LUZP1: variants seen among roughly 807,000 people sequenced by gnomAD.
LUZP1 encodes filamin mechanobinding actin cross-linking protein.
Under a neutral mutation model 71.3 loss-of-function variants are expected in LUZP1, and 25 were observed. That is an observed-to-expected ratio of 0.35 (90% CI 0.26 to 0.49). The LOEUF (loss-of-function observed/expected upper bound fraction) is 0.49, where lower values mean the gene tolerates loss of function less well. Among genes scored for constraint, LUZP1 ranks in the 20% least tolerant of loss-of-function variants. The probability of loss-of-function intolerance (pLI) is 0.99; values close to 1 mark genes in which losing one functional copy is unlikely to be tolerated. For synonymous variants in LUZP1, 481 were observed against 506.4 expected, an observed-to-expected ratio of 0.95 and a Z score of 0.67; for missense variants, 1,142 against 1,300.8, an observed-to-expected ratio of 0.88 and a Z score of 1.88.
chr1:23,092,569 C>T, exon 4 of LUZP1: 1 of 1,614,168 alleles, frequency 6.2e-7, no homozygotes, highest in Non-Finnish European at 8.5e-7. Context: ...GCCAGGGCTC[C>T]AATGGCCTTA....
At chr1:23,137,200 G>T (rs564982629) in intron 2 of LUZP1, among the ~76,000 whole-genome samples, 4 of 152,296 alleles carry the variant, frequency 2.6e-5, no homozygotes, top group African/African-American at 9.6e-5. Flanking sequence ...GAGAGATACA[G>T]AGATCTTACG....
chr1:23,099,129 G>GA (rs1219380010), intron 3 of LUZP1, among the ~76,000 whole-genome samples: 1 of 152,008 alleles, frequency 6.6e-6, no homozygotes, highest in Admixed American at 6.5e-5. Context: ...AACGGAGAGG[G>GA]AAAAAACCTC....
exon 5 of LUZP1, chr1:23,089,051 C>T (rs758042358): frequency 4.3e-6 from 7 of 1,613,520 alleles, no homozygotes; most frequent in Non-Finnish European, 3.4e-6. Context: ...CCCCTTCTTC[C>T]TCCTGTGCCA....
exon 5 of LUZP1, chr1:23,088,789 A>G (rs1045512751): frequency 2.7e-6 from 4 of 1,465,884 alleles, no homozygotes; most frequent in Non-Finnish European, 3.7e-6. Flanking sequence ...TTTCCAGCCA[A>G]GGCTTGTGTC....
chr1:23,161,491 G>A (rs1034267960), intron 2 of LUZP1, among the ~76,000 whole-genome samples: 1 of 152,122 alleles, frequency 6.6e-6, no homozygotes, highest in African/African-American at 2.4e-5. Flanking sequence ...TAAGGCCAGT[G>A]GCTCATGCCT....
intron 2 of LUZP1, among the ~76,000 whole-genome samples, chr1:23,154,565 C>T (rs1401279321): frequency 6.6e-6 from 1 of 150,994 alleles, no homozygotes; most frequent in African/African-American, 2.4e-5. Flanking sequence ...TTTTTTGAGA[C>T]GGAGTCTTGC....
chr1:23,124,877 T>C (rs995390827), intron 2 of LUZP1, among the ~76,000 whole-genome samples: 7 of 152,156 alleles, frequency 4.6e-5, no homozygotes, highest in African/African-American at 1.4e-4. Flanking sequence ...CTACAGACTT[T>C]CGTTCATTCT....
chr1:23,145,031 G>A lies in LUZP1; in HGVS notation c.-226+23735C>T, dbSNP rs556034021. Among the ~76,000 whole-genome samples the A allele has an allele frequency of 1.6e-4, 24 of 152,006 alleles. No individual in the cohort carries two copies. In the South Asian group the frequency reaches 4.8e-3, roughly 30 times the overall value. ...CCACCTCAGCCTCCCAAGTAACTGC[G>A]ACCACAGGCACATGTCACCACGCCC... On this transcript the variant is annotated intron_variant, in intron 2 of 4. Transcript: ENST00000302291.
intron 2 of LUZP1, among the ~76,000 whole-genome samples, chr1:23,134,250 T>G (rs1644236524): frequency 6.6e-6 from 1 of 152,042 alleles, no homozygotes. Flanking sequence ...GTAGCCCAAG[T>G]CAGGAGGATC....
intron 2 of LUZP1, among the ~76,000 whole-genome samples, chr1:23,139,530 A>G (rs1644286589): frequency 6.6e-6 from 1 of 152,084 alleles, no homozygotes; most frequent in African/African-American, 2.4e-5. Flanking sequence ...GACAAGGAAG[A>G]CCTTTATGAT....
intron 3 of LUZP1, among the ~76,000 whole-genome samples, chr1:23,097,283 A>G (rs1643897703): frequency 6.6e-6 from 1 of 152,214 alleles, no homozygotes; most frequent in Non-Finnish European, 1.5e-5. Context: ...AAAACAATCT[A>G]TAATAACAAC....
chr1:23,143,475 C>T (rs558471941), intron 2 of LUZP1, among the ~76,000 whole-genome samples: 62 of 152,252 alleles, frequency 4.1e-4, no homozygotes, highest in African/African-American at 1.4e-3. Flanking sequence ...ATTGCTGAAG[C>T]GGCACTGACT....
At chr1:23,135,537 A>G (rs994182956) in intron 2 of LUZP1, among the ~76,000 whole-genome samples, 1 of 152,206 alleles carries the variant, frequency 6.6e-6, no homozygotes, top group Admixed American at 6.5e-5. Context: ...TAATATGAAC[A>G]AGTGGTTAGG....
intron 2 of LUZP1, among the ~76,000 whole-genome samples, chr1:23,137,188 C>CAG (rs1278036537): frequency 2.0e-5 from 3 of 152,138 alleles, no homozygotes; most frequent in Non-Finnish European, 1.5e-5. Flanking sequence ...CCAGAATATA[C>CAG]AGAGAGATAC....
At chr1:23,152,682 C>T (rs887528645) in intron 2 of LUZP1, among the ~76,000 whole-genome samples, 1 of 152,086 alleles carries the variant, frequency 6.6e-6, no homozygotes, top group Non-Finnish European at 1.5e-5. Flanking sequence ...AGGCGCCCAC[C>T]ACCATGCCCG....
At chr1:23,104,543 C>T (rs117143216) in intron 3 of LUZP1, among the ~76,000 whole-genome samples, 8 of 152,062 alleles carry the variant, frequency 5.3e-5, no homozygotes, top group African/African-American at 9.7e-5. Context: ...CATCCTTCCC[C>T]GCAAGAGAAA....
intron 3 of LUZP1, among the ~76,000 whole-genome samples, chr1:23,098,660 A>C (rs185575001): frequency 6.8e-4 from 103 of 152,344 alleles, no homozygotes; most frequent in African/African-American, 2.4e-3. Flanking sequence ...GCAACGATAG[A>C]GTATTAGGTG....
At chr1:23,145,084 G>A (rs1644331788) in intron 2 of LUZP1, among the ~76,000 whole-genome samples, 1 of 151,926 alleles carries the variant, frequency 6.6e-6, no homozygotes, top group East Asian at 1.9e-4. Flanking sequence ...TTGTGTGTTT[G>A]TAAAGACAGG....
At chr1:23,106,508 G>A (rs1643983270) in intron 3 of LUZP1, among the ~76,000 whole-genome samples, 1 of 152,070 alleles carries the variant, frequency 6.6e-6, no homozygotes, top group Non-Finnish European at 1.5e-5. Context: ...AGGAGGCTAA[G>A]GTGGGAGGAT....
Sources: gnomAD v4.1 joint callset for allele counts (sites outside exome capture counted in the v4.1 genomes callset) on GRCh38, gnomAD v4.1.1 for gene constraint, MANE v1.5 for transcripts, NCBI Gene and HGNC (gene_info 2026-07-23, HGNC 2026-07-21) for gene names.